The following ZNF773 variants were observed in gnomAD, a reference collection of about 807,000 sequenced individuals.
ZNF773 encodes zinc finger protein 419B.
In ZNF773, 11 loss-of-function variants were observed where a neutral mutation model predicts 12.8. The observed-to-expected ratio is 0.86, with a 90% confidence interval of 0.54 to 1.42. ZNF773 has a LOEUF of 1.42. Ranked by LOEUF, ZNF773 falls within the 40% of genes most tolerant of loss-of-function variation. The pLI is 0.00. For missense variants in ZNF773, 518 were observed against 527.2 expected, an observed-to-expected ratio of 0.98 and a Z score of 0.17; for synonymous variants, 175 against 178.4, an observed-to-expected ratio of 0.98 and a Z score of 0.15.
downstream of ZNF773, chr19:57,515,759 G>A (rs1238556006): frequency 1.3e-5 from 2 of 152,116 alleles, no homozygotes; most frequent in Non-Finnish European, 2.9e-5. Flanking sequence ...CAATCCTCAA[G>A]GACAAGGAAT....
In ZNF773 at chr19:57,506,438, C is replaced by T. The variant is rs1004294779; in HGVS notation, c.343C>T (p.His115Tyr). 2 of 1,614,234 alleles carry T rather than the reference C, an allele frequency of 1.2e-6. No homozygotes were observed. The highest frequency in any genetic ancestry group is 1.3e-5 in the African/African-American group (1 of 75,056). ...AGTGCCCAGTTCAAACGTTCAGCAA[C>T]ACCAGAAGCAGCACTGTGGAGAGAA... Reference protein sequence around the residue: ...VEVPSSNVQQHQKQHCGEKPL... With the variant: ...VEVPSSNVQQYQKQHCGEKPL... Residue 115 changes from histidine (H) to tyrosine (Y), a missense_variant, in exon 4 of 4, where the codon CAC becomes TAC. His to Tyr is a moderately conservative substitution (Grantham distance 83). Transcript: ENST00000282292.
downstream of ZNF773, chr19:57,513,783 A>G (rs546449069): frequency 2.0e-5 from 3 of 152,388 alleles, no homozygotes; most frequent in Non-Finnish European, 2.9e-5. Context: ...GGACTGCTAC[A>G]TGATTTGAGA....
At chr19:57,511,879 C>T (rs1456482820), downstream of ZNF773, among the ~76,000 whole-genome samples, 4 of 151,924 alleles carry the variant, frequency 2.6e-5, no homozygotes, top group Non-Finnish European at 4.4e-5. Flanking sequence ...TAAAAAAAAG[C>T]CCTGAGCTGA....
chr19:57,512,250 A>C (rs1175075644), downstream of ZNF773, among the ~76,000 whole-genome samples: 2 of 152,202 alleles, frequency 1.3e-5, no homozygotes, highest in Admixed American at 6.5e-5. Context: ...AAGAATGCAT[A>C]ATACAAAATA....
downstream of ZNF773, among the ~76,000 whole-genome samples, chr19:57,512,252 T>C (rs1252256635): frequency 6.6e-6 from 1 of 152,170 alleles, no homozygotes; most frequent in African/African-American, 2.4e-5. Context: ...GAATGCATAA[T>C]ACAAAATATA....
chr19:57,502,234 G>A (rs1422879507), intron 1 of ZNF773, among the ~76,000 whole-genome samples: 2 of 152,128 alleles, frequency 1.3e-5, no homozygotes, highest in Non-Finnish European at 2.9e-5. Flanking sequence ...GAGCCATCAC[G>A]CCTGGCCCAG....
At chr19:57,504,118 G>A (rs979677437) in intron 1 of ZNF773, among the ~76,000 whole-genome samples, 1 of 152,222 alleles carries the variant, frequency 6.6e-6, no homozygotes, top group African/African-American at 2.4e-5. Flanking sequence ...GGCCTTCAAA[G>A]TGGGGCTGAG....
chr19:57,511,242 G>A (rs962411366), downstream of ZNF773, among the ~76,000 whole-genome samples: 2 of 151,742 alleles, frequency 1.3e-5, no homozygotes, highest in Non-Finnish European at 2.9e-5. Flanking sequence ...TAGTAGAGAC[G>A]GGGTTTCACC....
intron 2 of ZNF773, chr19:57,505,023 T>G: frequency 1.4e-6 from 1 of 730,376 alleles, no homozygotes; most frequent in Non-Finnish European, 2.4e-6. Flanking sequence ...GTCAGCTTGA[T>G]GGATCTTATC....
In ZNF773 at chr19:57,507,527, C is replaced by T. The variant is rs1388050598; in HGVS notation, c.*103C>T. The T allele has an allele frequency of 4.1e-6, 6 of 1,473,464 alleles. No individual in the cohort carries two copies. The African/African-American group carries it at 7.1e-5, about 17-fold the overall frequency. The allele number at this position is 1,473,464 out of a possible 1,614,324, so 91.3% of individuals were successfully genotyped here. On this transcript the variant is annotated 3_prime_UTR_variant, in exon 4 of 4. Coordinates refer to ENST00000282292, the MANE Select transcript of ZNF773 (RefSeq NM_198542.3). ...TACTAATGGAAATCCATTAGCTATA[C>T]CTCCAAACTCATTCAACACTGGACA...
At chr19:57,509,387 C>G (rs1292219615), downstream of ZNF773, among the ~76,000 whole-genome samples, 3 of 152,152 alleles carry the variant, frequency 2.0e-5, no homozygotes, top group East Asian at 5.8e-4. Flanking sequence ...GATATCCTAG[C>G]AAGCAGTGGC....
At chr19:57,502,101 C>A (rs569715202) in intron 1 of ZNF773, among the ~76,000 whole-genome samples, 1 of 152,286 alleles carries the variant, frequency 6.6e-6, no homozygotes, top group African/African-American at 2.4e-5. Flanking sequence ...TGCCGTCACG[C>A]CCGGCTAATT....
chr19:57,507,214 C>T lies in ZNF773; in HGVS notation c.1119C>T (p.Ser373=), dbSNP rs778513838. The change falls in exon 4 of 4, where the codon AGC becomes AGT. Residue 373 remains serine (S), a synonymous_variant. Coordinates refer to ENST00000282292, the MANE Select transcript of ZNF773 (RefSeq NM_198542.3). ...ECGKFFSQSS[S]LMQHRKVHTG... is the part of the protein sequence containing the mutation. ...GGAAATTTTTTAGCCAAAGCTCAAG[C>T]CTCATGCAACATCGAAAAGTTCACA... 135 of 1,611,068 alleles carry T rather than the reference C, an allele frequency of 8.4e-5. 1 individual carries two copies. The Admixed American group carries it at 2.2e-3, about 27-fold the overall frequency.
rs760731764 is a variant in ZNF773 at position 57,507,138 on chromosome 19, A to G, written c.1043A>G (p.Asn348Ser). Residue 348 changes from asparagine (N) to serine (S), a missense_variant, in exon 4 of 4, where the codon AAT becomes AGT. Asn to Ser is a conservative substitution (Grantham distance 46, BLOSUM62 1). Transcript: ENST00000282292. ...TATAGCCACAAGTCCAGCCTTATCAATCATTGGCGTGTTCACACTGGAGAA... is the reference window on the plus strand; with the variant it reads ...TATAGCCACAAGTCCAGCCTTATCAGTCATTGGCGTGTTCACACTGGAGAA... ...KFYSHKSSLI[N>S]HWRVHTGERP... The G allele has an allele frequency of 3.1e-6, 5 of 1,613,848 alleles. No homozygotes were observed. Among genetic ancestry groups the G allele is most frequent in the African/African-American group, 2.7e-5 (2 of 74,830 alleles).
At chr19:57,512,727 T>A (rs1184836220), downstream of ZNF773, among the ~76,000 whole-genome samples, 1 of 152,190 alleles carries the variant, frequency 6.6e-6, no homozygotes, top group Admixed American at 6.5e-5. Context: ...AGCCTACAAC[T>A]GTGTCTGCAG....
chr19:57,512,193 A>C (rs2089800784), downstream of ZNF773, among the ~76,000 whole-genome samples: 1 of 152,204 alleles, frequency 6.6e-6, no homozygotes, highest in Non-Finnish European at 1.5e-5. Context: ...TTTTTTGAAT[A>C]TTTGAGACAA....
downstream of ZNF773, chr19:57,513,324 A>G (rs1447944383): frequency 3.1e-6 from 1 of 319,728 alleles, no homozygotes; most frequent in Non-Finnish European, 5.7e-6. Context: ...GGAGGTTATC[A>G]CGCATAACCC....
chr19:57,512,818 T>C (rs1835727932), downstream of ZNF773, among the ~76,000 whole-genome samples: 1 of 152,100 alleles, frequency 6.6e-6, no homozygotes, highest in Non-Finnish European at 1.5e-5. Context: ...GAGTCTGTTG[T>C]ATAAAGAAAG....
At chr19:57,516,411 C>G (rs8105776), downstream of ZNF773, 42,045 of 152,618 alleles carry the variant, frequency 0.28, 6,367 homozygotes, top group Middle Eastern at 0.37. Flanking sequence ...GACCGGTACT[C>G]GGGAGCAACA....
Sources: gnomAD v4.1 joint callset for allele counts (sites outside exome capture counted in the v4.1 genomes callset) on GRCh38, gnomAD v4.1.1 for gene constraint, MANE v1.5 for transcripts, NCBI Gene and HGNC (gene_info 2026-07-23, HGNC 2026-07-21) for gene names.